The following NDUFA10 variants were observed in gnomAD, a reference collection of about 807,000 sequenced individuals.
The protein encoded by NDUFA10 is NADH dehydrogenase [ubiquinone] 1 alpha subcomplex subunit 10, mitochondrial.
Under a neutral mutation model 47.8 loss-of-function variants are expected in NDUFA10, and 40 were observed. The ratio of observed to expected loss-of-function variants is 0.84; its 90% CI spans 0.65 to 1.09. NDUFA10 has a LOEUF of 1.09. NDUFA10 is among the 50% of genes least tolerant of loss of function. The probability of loss-of-function intolerance (pLI) is 0.00; values close to 1 mark genes in which losing one functional copy is unlikely to be tolerated. For missense variants in NDUFA10, 413 were observed against 451.1 expected, an observed-to-expected ratio of 0.92 and a Z score of 0.76; for synonymous variants, 183 against 172.2, an observed-to-expected ratio of 1.06 and a Z score of -0.49.
At chr2:240,012,002 C>A in intron 5 of NDUFA10, 1 of 384,632 alleles carries the variant, frequency 2.6e-6, no homozygotes, top group Non-Finnish European at 5.0e-6. Context: ...TCTTTCCTGT[C>A]TGCCTCGTGC....
intron 5 of NDUFA10, 123 bp from the exon 6 acceptor site, chr2:240,011,819 G>C (rs929798089): frequency 1.9e-5 from 16 of 838,642 alleles, no homozygotes; most frequent in Admixed American, 1.7e-4. Context: ...ACCGGGCACT[G>C]TGGGGACTGC....
chr2:240,001,364 C>T lies in NDUFA10; in HGVS notation c.890+3846G>A, dbSNP rs540340133. Among the ~76,000 whole-genome samples, 37 of 152,310 alleles carry T rather than the reference C, an allele frequency of 2.4e-4. 1 individual carries two copies. The South Asian group carries it at 7.5e-3, about 31-fold the overall frequency. Reference sequence around the variant, plus strand: ...TCAGAGTATAATAATATACCATAAACAGTATCATAACATAGTCCCTAAAAC... The same window carrying T: ...TCAGAGTATAATAATATACCATAAATAGTATCATAACATAGTCCCTAAAAC... On this transcript the variant is annotated intron_variant, in intron 8 of 9. Transcript: ENST00000252711.
intron 8 of NDUFA10, 31 bp downstream of exon 8, chr2:240,005,179 C>T (rs1204047268): frequency 3.8e-6 from 6 of 1,574,214 alleles, no homozygotes; most frequent in Non-Finnish European, 5.2e-6. Context: ...AGACCCCAGA[C>T]ATGCAGCAGC....
intron 8 of NDUFA10, among the ~76,000 whole-genome samples, chr2:240,002,188 G>A (rs557360589): frequency 2.2e-4 from 34 of 152,032 alleles, no homozygotes; most frequent in South Asian, 2.1e-3. Flanking sequence ...AAAATTAGCC[G>A]GGTATAGTGG....
chr2:239,932,113 C>A (rs1238767461), intron 4 of NDUFA10, among the ~76,000 whole-genome samples: 1 of 151,788 alleles, frequency 6.6e-6, no homozygotes, highest in Admixed American at 6.6e-5. Context: ...GGATTACAGG[C>A]GTGAGCCACC....
Position 240,021,402 on chromosome 2 carries a change from G to A in NDUFA10, c.255C>T (p.His85=). The A allele has an allele frequency of 6.2e-7, 1 of 1,614,106 alleles. No homozygotes were observed. The highest frequency in any genetic ancestry group is 1.1e-5 in the South Asian group (1 of 91,076). Residue 85 remains histidine, a synonymous_variant, in exon 3 of 10, where the codon CAC becomes CAT. Transcript: ENST00000252711. ...KEIAEKLGFK[H]FPEAGIHYPD... is the part of the protein sequence containing the mutation. ...GATAATGAATCCCCGCTTCAGGAAAGTGCTTGAAGCCTGAAAAGAGAAACA... is the reference window on the plus strand; with the variant it reads ...GATAATGAATCCCCGCTTCAGGAAAATGCTTGAAGCCTGAAAAGAGAAACA...
chr2:239,893,258 C>A (rs1693328538), intron 5 of NDUFA10, among the ~76,000 whole-genome samples: 1 of 152,118 alleles, frequency 6.6e-6, no homozygotes, highest in Non-Finnish European at 1.5e-5. Context: ...GGATCATGAT[C>A]GCACAGAGGA....
chr2:239,986,692 A>G (rs1344149654), intron 9 of NDUFA10, among the ~76,000 whole-genome samples: 1 of 152,230 alleles, frequency 6.6e-6, no homozygotes, highest in Non-Finnish European at 1.5e-5. Context: ...ATAGAAACAG[A>G]AAATTATAAT....
chr2:239,929,803 CCCTGCT>C (rs1435789335), intron 4 of NDUFA10, among the ~76,000 whole-genome samples: 4 of 145,992 alleles, frequency 2.7e-5, no homozygotes, highest in Admixed American at 2.7e-4. Context: ...CCTCCACTGC[CCCTGCT>C]CCTCCACTGC....
At chr2:239,929,726 C>T (rs1011815794) in intron 4 of NDUFA10, among the ~76,000 whole-genome samples, 13 of 137,936 alleles carry the variant, frequency 9.4e-5, no homozygotes, top group African/African-American at 3.3e-4. Context: ...GGCCCTGCTT[C>T]TCCACCAGCC....
intron 9 of NDUFA10, among the ~76,000 whole-genome samples, chr2:239,973,891 T>C (rs1469755659): frequency 1.3e-5 from 2 of 152,174 alleles, no homozygotes; most frequent in Non-Finnish European, 2.9e-5. Flanking sequence ...CAGGTACACA[T>C]GCCCCACTGA....
At chr2:239,972,400 A>G (rs1695339887) in intron 9 of NDUFA10, among the ~76,000 whole-genome samples, 1 of 152,148 alleles carries the variant, frequency 6.6e-6, no homozygotes, top group Non-Finnish European at 1.5e-5. Flanking sequence ...AAGGAGCTTC[A>G]AAATACTGCA....
chr2:239,925,999 C>T (rs139820190), intron 4 of NDUFA10, among the ~76,000 whole-genome samples: 1,705 of 152,276 alleles, frequency 0.011, 19 homozygotes, highest in South Asian at 0.016. Flanking sequence ...CACACCAAAG[C>T]CTGACGAGGA....
At chr2:239,993,103 G>T (rs1696319223) in intron 8 of NDUFA10, among the ~76,000 whole-genome samples, 2 of 152,140 alleles carry the variant, frequency 1.3e-5, no homozygotes, top group South Asian at 4.1e-4. Flanking sequence ...TAAAACAACG[G>T]AATGCTATAA....
intron 1 of NDUFA10, 90 bp from the exon 2 acceptor site, chr2:240,022,430 C>T (rs1697661731): frequency 6.4e-7 from 1 of 1,569,496 alleles, no homozygotes; most frequent in African/African-American, 1.4e-5. Context: ...ACCAAGAAAC[C>T]TCTTAGTGAT....
At chr2:240,011,820 T>TG in intron 5 of NDUFA10, 124 bp from the exon 6 acceptor site, 1 of 835,284 alleles carries the variant, frequency 1.2e-6, no homozygotes, top group East Asian at 2.6e-5. Flanking sequence ...CCGGGCACTG[T>TG]GGGGACTGCG....
intron 4 of NDUFA10, among the ~76,000 whole-genome samples, chr2:239,930,721 T>C (rs1244791910): frequency 6.6e-6 from 1 of 151,606 alleles, no homozygotes; most frequent in Admixed American, 6.6e-5. Flanking sequence ...TGCAGAAGAG[T>C]TCCTGGCAGG....
chr2:239,985,772 A>T (rs978414686), intron 9 of NDUFA10, among the ~76,000 whole-genome samples: 4 of 152,122 alleles, frequency 2.6e-5, no homozygotes, highest in African/African-American at 9.7e-5. Flanking sequence ...TTAGCTGGGC[A>T]TGGTGGCGCA....
At chr2:239,893,750 ACAT>A (rs1693337751) in intron 5 of NDUFA10, among the ~76,000 whole-genome samples, 2 of 152,320 alleles carry the variant, frequency 1.3e-5, no homozygotes, top group South Asian at 2.1e-4. Flanking sequence ...GAGGGGACAC[ACAT>A]CATTCAAACC....
Sources: gnomAD v4.1 joint callset for allele counts (sites outside exome capture counted in the v4.1 genomes callset) on GRCh38, gnomAD v4.1.1 for gene constraint, MANE v1.5 for transcripts, NCBI Gene and HGNC (gene_info 2026-07-23, HGNC 2026-07-21) for gene names.